KCTD16: variants seen among roughly 807,000 people sequenced by gnomAD.
KCTD16 encodes potassium channel tetramerization domain containing 16.
KCTD16 carries 13 observed loss-of-function variants against 33.2 expected under a neutral mutation model. The ratio of observed to expected loss-of-function variants is 0.39; its 90% CI spans 0.25 to 0.62. The LOEUF (loss-of-function observed/expected upper bound fraction) is 0.62. KCTD16 is among the 20% of genes least tolerant of loss of function. The pLI is 0.50. For missense variants in KCTD16, 441 were observed against 525.1 expected (o/e 0.84, Z 1.57); for synonymous variants, 197 against 195.3 (o/e 1.01, Z -0.07).
chr5:144,424,216 T>C (rs1753272598), intron 3 of KCTD16, among the ~76,000 whole-genome samples: 1 of 152,166 alleles, frequency 6.6e-6, no homozygotes, highest in Admixed American at 6.5e-5. Context: ...TAAAACCTGC[T>C]CTTGTACTTC....
At chr5:144,283,404 TC>T (rs1382582499) in intron 3 of KCTD16, among the ~76,000 whole-genome samples, 2 of 152,230 alleles carry the variant, frequency 1.3e-5, no homozygotes, top group African/African-American at 4.8e-5. Flanking sequence ...ATTTACTCCA[TC>T]TTAGTTGGAA....
chr5:144,230,450 C>T (rs931749307), intron 3 of KCTD16, among the ~76,000 whole-genome samples: 5 of 152,140 alleles, frequency 3.3e-5, no homozygotes, highest in Non-Finnish European at 5.9e-5. Context: ...GGTGTGAATC[C>T]TCAGCCTTAA....
chr5:144,293,415 T>C (rs1048331272), intron 3 of KCTD16, among the ~76,000 whole-genome samples: 2 of 152,236 alleles, frequency 1.3e-5, no homozygotes, highest in Non-Finnish European at 2.9e-5. Flanking sequence ...ATTGTCTCTA[T>C]AGTTCTTTTT....
chr5:144,185,201 T>C (rs545584414), intron 2 of KCTD16, among the ~76,000 whole-genome samples: 1 of 152,278 alleles, frequency 6.6e-6, no homozygotes, highest in South Asian at 2.1e-4. Flanking sequence ...AGGAAGTTGA[T>C]TTAGAGTCTA....
At chr5:144,418,126 T>C (rs566119429) in intron 3 of KCTD16, among the ~76,000 whole-genome samples, 5 of 152,266 alleles carry the variant, frequency 3.3e-5, no homozygotes, top group South Asian at 2.1e-4. Context: ...TAGGTTCTCC[T>C]GCCCTCACTG....
At chr5:144,273,241 G>A (rs1462792393) in intron 3 of KCTD16, among the ~76,000 whole-genome samples, 1 of 152,048 alleles carries the variant, frequency 6.6e-6, no homozygotes, top group East Asian at 1.9e-4. Flanking sequence ...AATCACTAGG[G>A]AAATACAAAT....
chr5:144,420,512 ATGTGTGTG>A (rs145586447), intron 3 of KCTD16, among the ~76,000 whole-genome samples: 3 of 149,728 alleles, frequency 2.0e-5, no homozygotes, highest in African/African-American at 4.9e-5. Context: ...ACTTATTTAA[ATGTGTGTG>A]TGTGTGTGTG....
At chr5:144,365,254 T>G (rs567541415) in intron 3 of KCTD16, among the ~76,000 whole-genome samples, 1 of 152,316 alleles carries the variant, frequency 6.6e-6, no homozygotes, top group South Asian at 2.1e-4. Flanking sequence ...GCTAATATTT[T>G]ATTTTGTACT....
At chr5:144,408,649 C>A (rs1580939315) in intron 3 of KCTD16, among the ~76,000 whole-genome samples, 1 of 152,142 alleles carries the variant, frequency 6.6e-6, no homozygotes, top group Non-Finnish European at 1.5e-5. Flanking sequence ...TCAATTATAT[C>A]ACTCACTCTC....
chr5:144,250,021 T>A (rs1267490408), intron 3 of KCTD16, among the ~76,000 whole-genome samples: 5 of 152,256 alleles, frequency 3.3e-5, no homozygotes, highest in African/African-American at 1.2e-4. Context: ...TAATATCTTC[T>A]GACTGGTATA....
chr5:144,235,241 T>C (rs560811316), intron 3 of KCTD16, among the ~76,000 whole-genome samples: 9 of 152,282 alleles, frequency 5.9e-5, no homozygotes, highest in African/African-American at 1.9e-4. Flanking sequence ...CCTTTAGAGA[T>C]TGATACTCAT....
intron 3 of KCTD16, among the ~76,000 whole-genome samples, chr5:144,324,708 A>T (rs533801137): frequency 6.6e-6 from 1 of 152,372 alleles, no homozygotes; most frequent in Admixed American, 6.5e-5. Flanking sequence ...GGATAAAGAA[A>T]ATGTGTTACA....
intron 3 of KCTD16, among the ~76,000 whole-genome samples, chr5:144,275,777 A>G (rs1353659004): frequency 1.3e-5 from 2 of 152,188 alleles, no homozygotes; most frequent in Admixed American, 1.3e-4. Context: ...GATCTGCTCA[A>G]AAAACTTGAA....
Position 144,478,534 on chromosome 5 carries a change from G to C in KCTD16, c.*4420G>C, listed in dbSNP as rs1754640918. 1 of 151,990 alleles carries C rather than the reference G, an allele frequency of 6.6e-6. No homozygotes were observed. The highest frequency in any genetic ancestry group is 1.5e-5 in the Non-Finnish European group (1 of 67,942). The allele number at this position is 151,990 out of a possible 1,614,324, so 9.4% of individuals were successfully genotyped here. A position where few individuals can be genotyped will look rare whatever the true frequency, so the allele number is the denominator to read the frequency against. On this transcript the variant is annotated 3_prime_UTR_variant, in exon 4 of 4. Coordinates refer to ENST00000512467, the MANE Select transcript of KCTD16 (RefSeq NM_020768.4). ...TCAGTATGCACAAAAATCATGTGTAGCACTTGTAAAAATGCAGATTCCTTC... is the reference window on the plus strand; with the variant it reads ...TCAGTATGCACAAAAATCATGTGTACCACTTGTAAAAATGCAGATTCCTTC...
intron 3 of KCTD16, among the ~76,000 whole-genome samples, chr5:144,469,085 C>G (rs2126999302): frequency 6.6e-6 from 1 of 152,266 alleles, no homozygotes; most frequent in Middle Eastern, 3.4e-3. Flanking sequence ...GCTTTAAGGA[C>G]TTAATATAAC....
intron 3 of KCTD16, among the ~76,000 whole-genome samples, chr5:144,240,744 T>C (rs115742068): frequency 1.6e-3 from 241 of 152,218 alleles, no homozygotes; most frequent in African/African-American, 5.7e-3. Flanking sequence ...TGAAGACTAT[T>C]GGTTAGTTAT....
chr5:144,407,207 T>TG (rs551881983), intron 3 of KCTD16, among the ~76,000 whole-genome samples: 6 of 151,324 alleles, frequency 4.0e-5, no homozygotes, highest in African/African-American at 1.2e-4. Flanking sequence ...TCCTGTTTTT[T>TG]TTTTTTTTTT....
At chr5:144,267,180 G>T (rs1295915833) in intron 3 of KCTD16, among the ~76,000 whole-genome samples, 1 of 152,184 alleles carries the variant, frequency 6.6e-6, no homozygotes, top group Non-Finnish European at 1.5e-5. Context: ...AGATGAATAA[G>T]ATTGGCTAAG....
intron 3 of KCTD16, among the ~76,000 whole-genome samples, chr5:144,394,646 G>A (rs1561591572): frequency 6.6e-6 from 1 of 152,148 alleles, no homozygotes; most frequent in Non-Finnish European, 1.5e-5. Context: ...CATGGGGATG[G>A]GTACCCTCAT....
Sources: gnomAD v4.1 joint callset for allele counts (sites outside exome capture counted in the v4.1 genomes callset) on GRCh38, gnomAD v4.1.1 for gene constraint, MANE v1.5 for transcripts, NCBI Gene and HGNC (gene_info 2026-07-23, HGNC 2026-07-21) for gene names.